SYT16: variants seen among roughly 807,000 people sequenced by gnomAD.
SYT16 encodes the protein synaptotagmin-16.
SYT16 carries 42 observed loss-of-function variants against 61.4 expected under a neutral mutation model. The observed-to-expected ratio is 0.68, with a 90% confidence interval of 0.53 to 0.89. SYT16 has a LOEUF of 0.89. SYT16 is among the 40% of genes least tolerant of loss of function. The pLI is 0.00. For missense variants in SYT16, 804 were observed against 807.3 expected, an observed-to-expected ratio of 1.00 and a Z score of 0.05; for synonymous variants, 314 against 302.3, an observed-to-expected ratio of 1.04 and a Z score of -0.40.
chr14:61,890,021 A>G (rs1441476885), intron 1 of SYT16, among the ~76,000 whole-genome samples: 1 of 152,146 alleles, frequency 6.6e-6, no homozygotes, highest in Non-Finnish European at 1.5e-5. Flanking sequence ...CAATCAGGCC[A>G]GATTCGGTAA....
intron 1 of SYT16, among the ~76,000 whole-genome samples, chr14:61,820,731 C>T (rs1197033608): frequency 6.6e-6 from 1 of 152,058 alleles, no homozygotes; most frequent in Non-Finnish European, 1.5e-5. Context: ...ATCAGCCCGC[C>T]TCAGTTTTCA....
chr14:62,013,863 C>G (rs938649702), intron 3 of SYT16, among the ~76,000 whole-genome samples: 1 of 151,938 alleles, frequency 6.6e-6, no homozygotes, highest in Non-Finnish European at 1.5e-5. Context: ...ACTTGAGAGG[C>G]TGAGGCAAAA....
intron 1 of SYT16, among the ~76,000 whole-genome samples, chr14:61,839,081 G>A (rs72716765): frequency 0.078 from 11,878 of 152,038 alleles, 533 homozygotes; most frequent in Non-Finnish European, 0.1. Flanking sequence ...GCTAGGAGAG[G>A]AATACAGCTG....
At chr14:62,090,263 A>G (rs1048994336) in intron 7 of SYT16, among the ~76,000 whole-genome samples, 1 of 152,230 alleles carries the variant, frequency 6.6e-6, no homozygotes, top group Non-Finnish European at 1.5e-5. Flanking sequence ...GTTAAAAACA[A>G]GTTCCCCAGC....
intron 1 of SYT16, chr14:61,865,143 A>C (rs2047105678): frequency 1.6e-6 from 2 of 1,256,540 alleles, no homozygotes. Flanking sequence ...GCCACCGATA[A>C]ATGCCGCTCC....
chr14:62,071,461 G>A (rs769726657), intron 4 of SYT16, among the ~76,000 whole-genome samples: 18 of 152,100 alleles, frequency 1.2e-4, no homozygotes, highest in Non-Finnish European at 2.2e-4. Context: ...TTAGACAGAT[G>A]GTGATAGAAA....
intron 3 of SYT16, among the ~76,000 whole-genome samples, chr14:62,037,202 T>A (rs923837325): frequency 8.1e-5 from 12 of 149,048 alleles, no homozygotes; most frequent in Non-Finnish European, 9.0e-5. Context: ...CTTTTTTTTT[T>A]ACCCCTTTGG....
chr14:61,823,565 C>T (rs1594693113), intron 1 of SYT16, among the ~76,000 whole-genome samples: 1 of 80,230 alleles, frequency 1.2e-5, no homozygotes, highest in South Asian at 3.7e-4. Flanking sequence ...CCCATCTCTA[C>T]TAAAAATACA....
At chr14:61,826,049 G>T (rs2045761545) in intron 1 of SYT16, among the ~76,000 whole-genome samples, 1 of 152,180 alleles carries the variant, frequency 6.6e-6, no homozygotes, top group African/African-American at 2.4e-5. Context: ...TATACTTTAT[G>T]AATTTTTATT....
At chr14:61,813,565 A>C (rs964687373) in intron 1 of SYT16, among the ~76,000 whole-genome samples, 2 of 152,220 alleles carry the variant, frequency 1.3e-5, no homozygotes, top group African/African-American at 2.4e-5. Flanking sequence ...TAGCATCCAA[A>C]GTCCCTAGCA....
chr14:62,040,865 C>T (rs867494055), intron 3 of SYT16, among the ~76,000 whole-genome samples: 3 of 152,208 alleles, frequency 2.0e-5, no homozygotes, highest in South Asian at 4.1e-4. Context: ...ACGTTTGTTA[C>T]AATTGATGAA....
At chr14:62,040,983 A>G (rs544478726) in intron 3 of SYT16, among the ~76,000 whole-genome samples, 22 of 152,290 alleles carry the variant, frequency 1.4e-4, no homozygotes, top group Middle Eastern at 3.4e-3. Flanking sequence ...CACACAATCA[A>G]TGGGTCCCAC....
chr14:62,084,351 C>G lies in SYT16; in HGVS notation c.1590C>G (p.Ser530Arg). The G allele has an allele frequency of 6.2e-7, 1 of 1,612,746 alleles. No individual in the cohort carries two copies. Among genetic ancestry groups the G allele is most frequent in the South Asian group, 1.1e-5 (1 of 90,984 alleles). Residue 530 changes from serine to arginine, a missense_variant, in exon 7 of 8, where the codon AGC (serine) becomes AGG (arginine). By Grantham distance (110) the Ser-to-Arg change is moderately radical (BLOSUM62 -1). Coordinates refer to ENST00000683842, the MANE Select transcript of SYT16 (RefSeq NM_001367656.1). ...TATCTGTGGAAATGATCAAAGGCAG[C>G]CATTTCCGAAACCTCGCTGTTAACC... ...GRLSVEMIKGSHFRNLAVNRA... is the reference protein window; with the variant it reads ...GRLSVEMIKGRHFRNLAVNRA...
intron 1 of SYT16, among the ~76,000 whole-genome samples, chr14:61,938,882 T>C (rs1189846262): frequency 5.3e-5 from 8 of 152,198 alleles, no homozygotes; most frequent in Admixed American, 2.6e-4. Context: ...CGCCTGTAAT[T>C]CCAGCACTTT....
chr14:62,004,495 T>A (rs1380750133), intron 3 of SYT16, among the ~76,000 whole-genome samples: 2 of 152,096 alleles, frequency 1.3e-5, no homozygotes, highest in African/African-American at 4.8e-5. Context: ...AGAAAGATCT[T>A]AATCAAGGGT....
chr14:61,864,543 A>C (rs887339990), intron 1 of SYT16, among the ~76,000 whole-genome samples: 7 of 152,276 alleles, frequency 4.6e-5, no homozygotes, highest in African/African-American at 1.4e-4. Flanking sequence ...AGAGATGAGC[A>C]ACCTGGCCTA....
At position 61,987,692 on chromosome 14, in the gene SYT16, C is replaced by T. The variant is rs193146636; in HGVS notation, c.-144-8184C>T. On this transcript the variant is annotated intron_variant, in intron 2 of 7. Coordinates refer to ENST00000683842, the MANE Select transcript of SYT16 (RefSeq NM_001367656.1). ...CAAGGAAAACGATAGAAGAAATGTG[C>T]AAAAATAATTGGAGTTGTGTTATGG... Among the ~76,000 whole-genome samples, 334 of 149,892 alleles carry T rather than the reference C, an allele frequency of 2.2e-3. 3 individuals are homozygous for T. The highest frequency in any genetic ancestry group is 7.9e-3 in the African/African-American group (322 of 40,880).
intron 2 of SYT16, among the ~76,000 whole-genome samples, chr14:61,971,309 C>T (rs1348600112): frequency 6.6e-6 from 1 of 152,112 alleles, no homozygotes; most frequent in East Asian, 1.9e-4. Context: ...TGAGGAGTGG[C>T]TTAGTTGGGT....
intron 3 of SYT16, among the ~76,000 whole-genome samples, chr14:61,997,453 T>C (rs1443688817): frequency 6.6e-6 from 1 of 152,096 alleles, no homozygotes. Flanking sequence ...CTTCATTCAT[T>C]TTCCATGATT....
Sources: allele counts gnomAD v4.1 joint callset (sites outside exome capture counted in the v4.1 genomes callset), GRCh38; gene constraint gnomAD v4.1.1; transcripts MANE v1.5; gene names NCBI Gene and HGNC (gene_info 2026-07-23, HGNC 2026-07-21).